Variants in INPP4B observed in about 807,000 individuals in gnomAD.
INPP4B encodes the protein inositol polyphosphate 4-phosphatase type II.
A neutral mutation model predicts 122.5 loss-of-function variants in INPP4B; 55 were observed. That is an observed-to-expected ratio of 0.45 (90% CI 0.36 to 0.56). The LOEUF (loss-of-function observed/expected upper bound fraction) is 0.56. INPP4B is among the 20% of genes least tolerant of loss of function. The pLI, the probability that INPP4B is intolerant of heterozygous loss-of-function variation, is 0.00. For missense variants in INPP4B, 1,000 were observed against 1,097.7 expected, an observed-to-expected ratio of 0.91 and a Z score of 1.26; for synonymous variants, 403 against 388.7, an observed-to-expected ratio of 1.04 and a Z score of -0.43.
chr4:142,524,105 C>T (rs1393399285), intron 2 of INPP4B, among the ~76,000 whole-genome samples: 2 of 151,642 alleles, frequency 1.3e-5, no homozygotes, highest in African/African-American at 2.4e-5. Context: ...GTGAATAGTG[C>T]CGCAATAAAC....
chr4:142,620,028 C>T (rs1003744936), intron 2 of INPP4B, among the ~76,000 whole-genome samples: 56 of 152,016 alleles, frequency 3.7e-4, no homozygotes, highest in African/African-American at 1.2e-3. Flanking sequence ...CAAAAAATAA[C>T]AGATGCTAGC....
rs1450323578 is a variant in INPP4B at position 142,104,313 on chromosome 4, G to A, written c.2374+3780C>T. The stretch of plus-strand genomic sequence containing the variant: ...CAGTTTGTGTTAGTGATTTACAGAC[G>A]TACTATTTTATTTTATTTCTAACAC... On this transcript the variant is annotated intron_variant, in intron 23 of 25. Coordinates refer to ENST00000262992, the MANE Select transcript of INPP4B (RefSeq NM_001101669.3). 3.3e-5 allele frequency among the ~76,000 whole-genome samples: 5 copies of A among 152,246 alleles called. No homozygotes were observed. The South Asian group carries it at 8.3e-4, about 25-fold the overall frequency.
intron 3 of INPP4B, among the ~76,000 whole-genome samples, chr4:142,432,164 A>T (rs1042347409): frequency 1.3e-5 from 2 of 152,116 alleles, no homozygotes; most frequent in Non-Finnish European, 2.9e-5. Context: ...CCAAGAATAA[A>T]TTTTTTAAAA....
chr4:142,810,864 G>T (rs1170653824), intron 1 of INPP4B, among the ~76,000 whole-genome samples: 1 of 152,146 alleles, frequency 6.6e-6, no homozygotes, highest in Non-Finnish European at 1.5e-5. Context: ...CCTCTTGTCT[G>T]AAAGAAAAGT....
intron 11 of INPP4B, among the ~76,000 whole-genome samples, chr4:142,241,207 G>A (rs1452949031): frequency 6.6e-6 from 1 of 151,530 alleles, no homozygotes; most frequent in East Asian, 1.9e-4. Context: ...TTTAAAGAGA[G>A]CCCTGTGTGT....
chr4:142,053,837 G>A (rs1383493289), intron 25 of INPP4B, among the ~76,000 whole-genome samples: 4 of 152,024 alleles, frequency 2.6e-5, no homozygotes, highest in African/African-American at 9.7e-5. Flanking sequence ...AGACTCCAGT[G>A]ACCATTCTCT....
At chr4:142,692,280 GAAAT>G (rs1760301795) in intron 2 of INPP4B, among the ~76,000 whole-genome samples, 2 of 152,152 alleles carry the variant, frequency 1.3e-5, no homozygotes, top group East Asian at 3.9e-4. Flanking sequence ...TACTGGAGTA[GAAAT>G]AAATATTGAG....
At chr4:142,605,537 G>C (rs1014140153) in intron 2 of INPP4B, among the ~76,000 whole-genome samples, 1 of 151,810 alleles carries the variant, frequency 6.6e-6, no homozygotes, top group Non-Finnish European at 1.5e-5. Context: ...TCCAACAGGG[G>C]ACTGCTCTTC....
chr4:142,370,549 T>C (rs887346860), intron 7 of INPP4B, among the ~76,000 whole-genome samples: 1 of 151,970 alleles, frequency 6.6e-6, no homozygotes, highest in Admixed American at 6.6e-5. Context: ...ATAGAAATAC[T>C]AAAGACTCTA....
chr4:142,133,319 T>C (rs1380693869), intron 18 of INPP4B, among the ~76,000 whole-genome samples: 5 of 152,214 alleles, frequency 3.3e-5, no homozygotes, highest in East Asian at 1.9e-4. Context: ...TATTCTTATA[T>C]GTAACTGCAA....
chr4:142,549,626 G>C (rs907645405), intron 2 of INPP4B, among the ~76,000 whole-genome samples: 3 of 152,130 alleles, frequency 2.0e-5, no homozygotes, highest in African/African-American at 7.2e-5. Context: ...AACGAAAGGG[G>C]CAGAGACTGT....
At chr4:142,740,124 T>G (rs527741440) in intron 1 of INPP4B, among the ~76,000 whole-genome samples, 1 of 152,124 alleles carries the variant, frequency 6.6e-6, no homozygotes, top group South Asian at 2.1e-4. Flanking sequence ...TCTTCTAGGA[T>G]TCAACAATTT....
chr4:142,625,887 A>C (rs1746259339), intron 2 of INPP4B, among the ~76,000 whole-genome samples: 1 of 152,212 alleles, frequency 6.6e-6, no homozygotes, highest in Non-Finnish European at 1.5e-5. Context: ...TGGGGAAAGG[A>C]TTCCCTACTT....
chr4:142,261,439 G>C (rs1739942285), intron 10 of INPP4B, among the ~76,000 whole-genome samples: 1 of 152,106 alleles, frequency 6.6e-6, no homozygotes, highest in Non-Finnish European at 1.5e-5. Flanking sequence ...TGAATTTTTA[G>C]AGTAAATATA....
At chr4:142,803,612 A>G (rs1778297249) in intron 1 of INPP4B, among the ~76,000 whole-genome samples, 2 of 151,558 alleles carry the variant, frequency 1.3e-5, no homozygotes, top group Admixed American at 1.3e-4. Flanking sequence ...GATATAAGAA[A>G]TATGTCTCTG....
intron 25 of INPP4B, among the ~76,000 whole-genome samples, chr4:142,041,477 G>A (rs1291941546): frequency 6.6e-6 from 1 of 151,962 alleles, no homozygotes; most frequent in Non-Finnish European, 1.5e-5. Context: ...AATTAGCTGG[G>A]CTTGGTGGCG....
At chr4:142,836,584 T>C (rs998132561) in intron 1 of INPP4B, among the ~76,000 whole-genome samples, 2 of 151,704 alleles carry the variant, frequency 1.3e-5, no homozygotes, top group African/African-American at 2.4e-5. Flanking sequence ...TCTCACATCA[T>C]ATAACAACAA....
chr4:142,332,048 A>T (rs1016115015), intron 7 of INPP4B, among the ~76,000 whole-genome samples: 1 of 152,196 alleles, frequency 6.6e-6, no homozygotes, highest in Admixed American at 6.5e-5. Context: ...ATGTGCTCCA[A>T]TTAAGCCAAT....
chr4:142,150,872 T>C (rs1200370939), intron 17 of INPP4B, among the ~76,000 whole-genome samples: 2 of 152,176 alleles, frequency 1.3e-5, no homozygotes, highest in Admixed American at 1.3e-4. Context: ...TATTCCGTAA[T>C]ACTTAGCTGA....
Sources: gnomAD v4.1 joint callset for allele counts (sites outside exome capture counted in the v4.1 genomes callset) on GRCh38, gnomAD v4.1.1 for gene constraint, MANE v1.5 for transcripts, NCBI Gene and HGNC (gene_info 2026-07-23, HGNC 2026-07-21) for gene names.